The following XIRP2 variants were observed in gnomAD, a reference collection of about 807,000 sequenced individuals.
XIRP2 encodes the protein xin actin binding repeat containing 2.
A neutral mutation model predicts 277.0 loss-of-function variants in XIRP2; 236 were observed. That is an observed-to-expected ratio of 0.85 (90% CI 0.77 to 0.95). XIRP2 has a LOEUF of 0.95. Among genes scored for constraint, XIRP2 ranks in the 40% least tolerant of loss-of-function variants. The pLI is 0.00. For missense variants in XIRP2, 4,640 were observed against 4,157.5 expected (o/e 1.12, Z -3.19); for synonymous variants, 1,490 against 1,416.5 (o/e 1.05, Z -1.17).
In XIRP2 at chr2:167,246,435, A is replaced by C. The variant is rs1695266675; in HGVS notation, c.5043A>C (p.Glu1681Asp). 1 of 1,613,774 alleles carries C rather than the reference A, an allele frequency of 6.2e-7. No homozygotes were observed. Among genetic ancestry groups the C allele is most frequent in the South Asian group, 1.1e-5 (1 of 91,070 alleles). Residue 1681 changes from glutamate (E) to aspartate (D), a missense_variant, in exon 9 of 11, where the codon GAA becomes GAC. By Grantham distance (45) the Glu-to-Asp change is conservative (BLOSUM62 2). Coordinates refer to ENST00000409195, the MANE Select transcript of XIRP2 (RefSeq NM_152381.6). ...TAAAGAAAGGCATCTTAATTCAGGA[A>C]GATGAAAAAGGAGATATTAACATGA... ...RSVKKGILIQEDEKGDINMTI... is the reference protein window; with the variant it reads ...RSVKKGILIQDDEKGDINMTI...
At chr2:167,057,864 T>C (rs554142313) in intron 2 of XIRP2, among the ~76,000 whole-genome samples, 1 of 152,146 alleles carries the variant, frequency 6.6e-6, no homozygotes, top group East Asian at 1.9e-4. Flanking sequence ...AGGTATAAGA[T>C]TTCAATAGGC....
chr2:167,071,900 T>C (rs534601640), intron 2 of XIRP2, among the ~76,000 whole-genome samples: 1 of 152,134 alleles, frequency 6.6e-6, no homozygotes, highest in East Asian at 1.9e-4. Flanking sequence ...ATCAAGACCG[T>C]AGAGGGGAAA....
At chr2:166,918,875 G>A (rs570492386) in intron 2 of XIRP2, among the ~76,000 whole-genome samples, 16 of 152,038 alleles carry the variant, frequency 1.1e-4, no homozygotes, top group African/African-American at 1.9e-4. Context: ...ATCTAAACCG[G>A]TCTCAGGGTT....
chr2:166,971,653 G>C (rs1686581205), intron 2 of XIRP2, among the ~76,000 whole-genome samples: 1 of 151,984 alleles, frequency 6.6e-6, no homozygotes, highest in African/African-American at 2.4e-5. Context: ...ATTTTACAGT[G>C]GTTTTGCAAA....
chr2:167,053,468 G>C (rs1177454566), intron 2 of XIRP2, among the ~76,000 whole-genome samples: 1 of 151,906 alleles, frequency 6.6e-6, no homozygotes, highest in Non-Finnish European at 1.5e-5. Context: ...GGTGCAATGG[G>C]TTGTTTTTAT....
In XIRP2 at chr2:166,947,084, A is replaced by C. The variant is rs184579696; in HGVS notation, c.408+43194A>C. Among the ~76,000 whole-genome samples, 499 of 152,324 alleles carry C rather than the reference A, an allele frequency of 3.3e-3. 4 individuals are homozygous for C. The highest frequency in any genetic ancestry group is 0.011 in the African/African-American group (474 of 41,582). On this transcript the variant is annotated intron_variant, in intron 2 of 10. Coordinates refer to ENST00000409195, the MANE Select transcript of XIRP2 (RefSeq NM_152381.6). ...TTTCACAATTTTTTCTGAAAATAGA[A>C]TCTATCAATAAACATAGATATAAAT...
chr2:166,935,032 G>GAA (rs11372574), intron 2 of XIRP2, among the ~76,000 whole-genome samples: 12 of 144,638 alleles, frequency 8.3e-5, no homozygotes, highest in Middle Eastern at 3.6e-3. Context: ...CTCCTTCTCA[G>GAA]AAAAAAAAAA....
At chr2:167,096,670 T>G (rs1690326635) in intron 2 of XIRP2, among the ~76,000 whole-genome samples, 1 of 152,220 alleles carries the variant, frequency 6.6e-6, no homozygotes, top group Admixed American at 6.5e-5. Flanking sequence ...TTTCCTACTT[T>G]CTCCTGTGGG....
intron 2 of XIRP2, among the ~76,000 whole-genome samples, chr2:167,095,845 G>A (rs1446083684): frequency 4.9e-5 from 6 of 121,788 alleles, no homozygotes; most frequent in East Asian, 2.3e-4. Context: ...TTTAGGAGGC[G>A]TCACTCTTTT....
rs1332991210 is a variant in XIRP2 at position 167,246,870 on chromosome 2, T to G, written c.5478T>G (p.Ser1826Arg). ...AGGTTTTTATGACCGAGCCTCAGAG[T>G]ACATTTGGTAAGATACCCAAAGAAG... ...TVKVFMTEPQ[S>R]TFGKIPKEEI... is the part of the protein sequence containing the mutation. Residue 1826 changes from serine to arginine, a missense_variant, in exon 9 of 11, where the codon AGT (serine) becomes AGG (arginine). By Grantham distance (110) the Ser-to-Arg change is moderately radical. Transcript: ENST00000409195. The G allele has an allele frequency of 6.2e-7, 1 of 1,613,632 alleles. No homozygotes were observed. The highest frequency in any genetic ancestry group is 8.5e-7 in the Non-Finnish European group (1 of 1,179,792).
At position 167,243,127 on chromosome 2, in the gene XIRP2, T is replaced by C. The variant is rs1014163958; in HGVS notation, c.1735T>C (p.Trp579Arg). The change falls in exon 9 of 11, where the codon TGG (tryptophan) becomes CGG (arginine). Residue 579 changes from tryptophan (W) to arginine (R), a missense_variant. Transcript: ENST00000409195. ...GAAGGGAGAGGTGCAGTCCATTAGA[T>C]GGATCTTTGAGAATCAACCATTGGA... ...ILKGEVQSIR[W>R]IFENQPLDSI... is the part of the protein sequence containing the mutation. 2.5e-6 allele frequency: 4 copies of C among 1,613,998 alleles called. No homozygotes were observed. The highest frequency in any genetic ancestry group is 3.4e-6 in the Non-Finnish European group (4 of 1,179,996).
intron 2 of XIRP2, among the ~76,000 whole-genome samples, chr2:167,018,941 C>T (rs189325884): frequency 3.6e-4 from 55 of 152,026 alleles, no homozygotes; most frequent in Non-Finnish European, 7.4e-4. Context: ...ACCTGGAAGG[C>T]AGGGATTTTT....
chr2:166,912,245 C>T (rs1208633879), intron 2 of XIRP2, among the ~76,000 whole-genome samples: 3 of 152,176 alleles, frequency 2.0e-5, no homozygotes, highest in Non-Finnish European at 2.9e-5. Context: ...TCAGGTACAC[C>T]AATCAGACAT....
At position 167,251,604 on chromosome 2, in the gene XIRP2, G is replaced by A. The variant is rs1377077642; in HGVS notation, c.10212G>A (p.Lys3404=). 6.2e-7 allele frequency: 1 copy of A among 1,613,518 alleles called. No homozygotes were observed. The highest frequency in any genetic ancestry group is 8.5e-7 in the Non-Finnish European group (1 of 1,179,642). The change falls in exon 9 of 11, where the codon AAG becomes AAA. Residue 3404 remains lysine, a synonymous_variant. Transcript: ENST00000409195. The stretch of plus-strand genomic sequence containing the variant: ...AACTGCGAGAAAAGATTCCTGTTAA[G>A]CAGCCCAGGATCTGCTCTGAAACCA... ...PRELREKIPV[K]QPRICSETRS... is the part of the protein sequence containing the mutation.
rs551070512 is a variant in XIRP2, at chr2:167,214,087, A to G, written c.723+3192A>G. Among the ~76,000 whole-genome samples the G allele has an allele frequency of 1.1e-3, 106 of 92,794 alleles. 1 individual carries two copies. The highest frequency in any genetic ancestry group is 4.9e-3 in the African/African-American group (88 of 17,990). 60.9% of individuals were successfully genotyped at this position (92,794 alleles called of 152,430 possible). A position where few individuals can be genotyped will look rare whatever the true frequency, so the allele number is the denominator to read the frequency against. On this transcript the variant is annotated intron_variant, in intron 4 of 10. Transcript: ENST00000409195. The stretch of plus-strand genomic sequence containing the variant: ...ACAAAATAGAAAGGAAGGAAGGAAG[A>G]AAGAAAGAAGGAAGGAAGGAAGGAA...
At chr2:166,920,201 A>C (rs1470379201) in intron 2 of XIRP2, among the ~76,000 whole-genome samples, 1 of 152,164 alleles carries the variant, frequency 6.6e-6, no homozygotes, top group African/African-American at 2.4e-5. Context: ...CCCTCATTTA[A>C]TAGTCACAAT....
chr2:166,935,230 G>A (rs1055054533), intron 2 of XIRP2, among the ~76,000 whole-genome samples: 3 of 152,116 alleles, frequency 2.0e-5, no homozygotes, highest in Admixed American at 6.5e-5. Context: ...ACAGGGAACA[G>A]GTCTGTGATG....
chr2:167,182,500 TC>T (rs1693044697), intron 3 of XIRP2, among the ~76,000 whole-genome samples: 2 of 152,134 alleles, frequency 1.3e-5, no homozygotes, highest in African/African-American at 4.8e-5. Context: ...GAAGAGTTGA[TC>T]CCTCTCAAAA....
chr2:167,029,649 A>G (rs757774492), intron 2 of XIRP2, among the ~76,000 whole-genome samples: 17 of 152,066 alleles, frequency 1.1e-4, no homozygotes, highest in Non-Finnish European at 5.9e-5. Context: ...TTCATCAGGT[A>G]TATTGGCGTG....
Sources: gnomAD v4.1 joint callset for allele counts (sites outside exome capture counted in the v4.1 genomes callset) on GRCh38, gnomAD v4.1.1 for gene constraint, MANE v1.5 for transcripts, NCBI Gene and HGNC (gene_info 2026-07-23, HGNC 2026-07-21) for gene names.